CLVS1: variants seen among roughly 807,000 people sequenced by gnomAD.
CLVS1 encodes the protein clavesin-1.
CLVS1 carries 10 observed loss-of-function variants against 33.1 expected under a neutral mutation model. That is an observed-to-expected ratio of 0.30 (90% CI 0.19 to 0.51). The LOEUF is 0.51. CLVS1 is among the 20% of genes least tolerant of loss of function. The pLI is 0.97. For synonymous variants in CLVS1, 163 were observed against 166.1 expected (o/e 0.98, Z 0.14); for missense variants, 343 against 433.4 (o/e 0.79, Z 1.85).
At chr8:61,120,895 C>G (rs1219597955) in intron 1 of CLVS1, among the ~76,000 whole-genome samples, 3 of 147,876 alleles carry the variant, frequency 2.0e-5, no homozygotes, top group African/African-American at 7.7e-5. Flanking sequence ...CTGTGGTAGG[C>G]TCCACCCATT....
At chr8:61,433,713 G>A (rs1816200701) in intron 3 of CLVS1, among the ~76,000 whole-genome samples, 5 of 151,688 alleles carry the variant, frequency 3.3e-5, no homozygotes, top group Admixed American at 3.3e-4. Flanking sequence ...GTTGGAAATG[G>A]GACGAGCCTG....
intron 2 of CLVS1, among the ~76,000 whole-genome samples, chr8:61,133,737 G>C (rs1455665133): frequency 2.0e-5 from 3 of 152,162 alleles, no homozygotes; most frequent in African/African-American, 7.2e-5. Context: ...TTGTGCTTAA[G>C]AGTCTTGGTG....
At chr8:61,026,625 A>G in the CLVS1 span, among the ~76,000 whole-genome samples, 1 of 152,186 alleles carries the variant, frequency 6.6e-6, no homozygotes, top group Non-Finnish European at 1.5e-5. Flanking sequence ...TCCGCAAACC[A>G]TAAGGTAGTA....
chr8:61,161,827 T>C (rs897702716), intron 2 of CLVS1, among the ~76,000 whole-genome samples: 1 of 152,242 alleles, frequency 6.6e-6, no homozygotes, highest in Admixed American at 6.5e-5. Flanking sequence ...TGTGAGGTGA[T>C]GGCTATGTTG....
chr8:61,190,451 A>G (rs578230471), intron 2 of CLVS1, among the ~76,000 whole-genome samples: 1 of 152,346 alleles, frequency 6.6e-6, no homozygotes, highest in African/African-American at 2.4e-5. Flanking sequence ...CCCTAACATC[A>G]CAATTGAAAG....
the CLVS1 span, among the ~76,000 whole-genome samples, chr8:60,997,413 G>A: frequency 2.6e-5 from 4 of 152,186 alleles, no homozygotes; most frequent in African/African-American, 9.7e-5. Flanking sequence ...AGTGTGTGCT[G>A]AGAACAAATA....
intron 2 of CLVS1, among the ~76,000 whole-genome samples, chr8:61,259,172 C>T (rs1809147246): frequency 6.6e-6 from 1 of 152,154 alleles, no homozygotes; most frequent in African/African-American, 2.4e-5. Flanking sequence ...GCGAGCACAT[C>T]TAAAAAATGA....
At chr8:61,031,725 T>C in the CLVS1 span, among the ~76,000 whole-genome samples, 4 of 152,184 alleles carry the variant, frequency 2.6e-5, no homozygotes, top group African/African-American at 9.7e-5. Context: ...TAAATAATAA[T>C]TCAATACAGA....
At chr8:61,013,324 T>G in the CLVS1 span, among the ~76,000 whole-genome samples, 2 of 152,246 alleles carry the variant, frequency 1.3e-5, no homozygotes, top group African/African-American at 2.4e-5. Flanking sequence ...GAGCCTTCTT[T>G]GAATGACATG....
chr8:60,991,984 G>A, the CLVS1 span, among the ~76,000 whole-genome samples: 2 of 152,142 alleles, frequency 1.3e-5, no homozygotes, highest in South Asian at 4.1e-4. Flanking sequence ...CTGATCTCAA[G>A]TGATCCACCC....
At chr8:61,479,909 A>G (rs1356762499) in intron 5 of CLVS1, among the ~76,000 whole-genome samples, 1 of 152,148 alleles carries the variant, frequency 6.6e-6, no homozygotes, top group Non-Finnish European at 1.5e-5. Context: ...ATATTGGTGA[A>G]CCGCAAATGC....
chr8:61,456,912 CGTCTCAAAAAAAAAAAAA>C (rs1817185597), intron 4 of CLVS1, among the ~76,000 whole-genome samples: 4 of 144,038 alleles, frequency 2.8e-5, no homozygotes, highest in Admixed American at 2.7e-4. Flanking sequence ...AGCAAGACTC[CGTCTCAAAAAAAAAAAAA>C]AATACATATA....
chr8:61,479,485 T>C (rs1818097193), intron 5 of CLVS1, among the ~76,000 whole-genome samples: 1 of 152,214 alleles, frequency 6.6e-6, no homozygotes, highest in East Asian at 1.9e-4. Flanking sequence ...GCCATTCGTC[T>C]AATTTTTTTT....
intron 2 of CLVS1, among the ~76,000 whole-genome samples, chr8:61,246,956 C>T (rs2129315287): frequency 6.6e-6 from 1 of 152,188 alleles, no homozygotes; most frequent in South Asian, 2.1e-4. Context: ...TCTCCCTCTT[C>T]CCACCCTCCC....
chr8:61,242,472 C>T (rs1306173277), intron 2 of CLVS1, among the ~76,000 whole-genome samples: 1 of 151,976 alleles, frequency 6.6e-6, no homozygotes, highest in African/African-American at 2.4e-5. Context: ...CTCCTTTTTA[C>T]TTTTAGAATT....
In CLVS1 at chr8:61,255,764, T is replaced by G. The variant is rs1809065321; in HGVS notation, c.-151-43913T>G. 5.3e-5 allele frequency among the ~76,000 whole-genome samples: 8 copies of G among 152,130 alleles called. No homozygotes were observed. The South Asian group carries it at 1.7e-3, about 32-fold the overall frequency. ...AAACAACCAAAAGATTTGCCATAAT[T>G]TAAAAAAACTCTGAAACTTGAACCT... On this transcript the variant is annotated intron_variant, in intron 2 of 2. Transcript: ENST00000522621.
chr8:61,255,038 A>G (rs1809046832), intron 2 of CLVS1, among the ~76,000 whole-genome samples: 1 of 152,164 alleles, frequency 6.6e-6, no homozygotes, highest in Admixed American at 6.5e-5. Context: ...CTATTCGGCC[A>G]TCTTGGCTTC....
chr8:60,983,546 A>G, the CLVS1 span, among the ~76,000 whole-genome samples: 2 of 152,160 alleles, frequency 1.3e-5, no homozygotes, highest in Non-Finnish European at 2.9e-5. Flanking sequence ...ACTAACCAGC[A>G]AGGAATTATT....
chr8:61,409,757 A>G (rs1020451070), intron 3 of CLVS1, among the ~76,000 whole-genome samples: 3 of 152,168 alleles, frequency 2.0e-5, no homozygotes, highest in Admixed American at 6.5e-5. Flanking sequence ...TCTACTGCCA[A>G]TCATGTATGA....
Sources: gnomAD v4.1 joint callset for allele counts (sites outside exome capture counted in the v4.1 genomes callset) on GRCh38, gnomAD v4.1.1 for gene constraint, MANE v1.5 for transcripts, NCBI Gene and HGNC (gene_info 2026-07-23, HGNC 2026-07-21) for gene names.